The following LTBP1 variants were observed in gnomAD, a reference collection of about 807,000 sequenced individuals.
LTBP1 encodes latent-transforming growth factor beta-binding protein 1.
Under a neutral mutation model 207.6 loss-of-function variants are expected in LTBP1, and 129 were observed. That is an observed-to-expected ratio of 0.62 (90% CI 0.54 to 0.72). The LOEUF (loss-of-function observed/expected upper bound fraction) is 0.72, where lower values mean the gene tolerates loss of function less well. LTBP1 is among the 30% of genes least tolerant of loss of function. LTBP1 has a pLI of 0.00. For synonymous variants in LTBP1, 963 were observed against 833.7 expected (o/e 1.16, Z -2.67); for missense variants, 2,281 against 2,217.2 (o/e 1.03, Z -0.58).
intron 2 of LTBP1, among the ~76,000 whole-genome samples, chr2:32,953,705 A>G (rs1187748240): frequency 6.6e-6 from 1 of 152,192 alleles, no homozygotes; most frequent in Admixed American, 6.5e-5. Context: ...TTTGCTGCCC[A>G]GTGAACCCTG....
chr2:33,179,587 A>T (rs1035322662), intron 5 of LTBP1, among the ~76,000 whole-genome samples: 3 of 151,914 alleles, frequency 2.0e-5, no homozygotes, highest in African/African-American at 7.3e-5. Flanking sequence ...CTCTTCTCTC[A>T]TATGTAAAAG....
In LTBP1 at chr2:33,016,050, C is replaced by T. The variant is rs576477572; in HGVS notation, c.566-4859C>T. Among the ~76,000 whole-genome samples, 9 of 152,276 alleles carry T rather than the reference C, an allele frequency of 5.9e-5. No individual in the cohort carries two copies. In the East Asian group the frequency reaches 1.7e-3, roughly 29 times the overall value. ...AACAGGAGATTTGGTAGGACTCATACCAAACCCTGTCAGTGGACATTTGGG... is the reference window on the plus strand; with the variant it reads ...AACAGGAGATTTGGTAGGACTCATATCAAACCCTGTCAGTGGACATTTGGG... On this transcript the variant is annotated intron_variant, in intron 2 of 33. Transcript: ENST00000404816.
intron 26 of LTBP1, 106 bp from the exon 27 acceptor site, chr2:33,360,491 A>C: frequency 3.0e-6 from 2 of 674,952 alleles, no homozygotes; most frequent in Non-Finnish European, 5.0e-6. Flanking sequence ...TCTATAAAGC[A>C]AATGCTATTG....
chr2:32,957,240 A>C (rs1271305987), intron 2 of LTBP1, among the ~76,000 whole-genome samples: 1 of 152,228 alleles, frequency 6.6e-6, no homozygotes, highest in Non-Finnish European at 1.5e-5. Context: ...GTTTTCTTCA[A>C]GAACTTTTTC....
At chr2:32,996,742 C>T (rs1216734494) in intron 2 of LTBP1, among the ~76,000 whole-genome samples, 1 of 152,144 alleles carries the variant, frequency 6.6e-6, no homozygotes, top group East Asian at 1.9e-4. Flanking sequence ...ACTGAGGCTC[C>T]AGAGGTTTAT....
intron 5 of LTBP1, among the ~76,000 whole-genome samples, chr2:33,174,685 G>A (rs907092430): frequency 9.9e-5 from 15 of 152,258 alleles, no homozygotes; most frequent in African/African-American, 3.4e-4. Flanking sequence ...CCAAAAAAGA[G>A]CCCGCATCGC....
At chr2:32,991,333 A>G (rs1684383178) in intron 2 of LTBP1, among the ~76,000 whole-genome samples, 1 of 152,214 alleles carries the variant, frequency 6.6e-6, no homozygotes, top group Non-Finnish European at 1.5e-5. Context: ...TTACTTGTAA[A>G]TAAACTGTCA....
chr2:32,948,037 T>G (rs1447544416), intron 1 of LTBP1, among the ~76,000 whole-genome samples: 1 of 152,186 alleles, frequency 6.6e-6, no homozygotes, highest in African/African-American at 2.4e-5. Context: ...CCGAGTGCAT[T>G]GTTACCGAGC....
chr2:33,273,204 T>G lies in LTBP1; in HGVS notation c.2618-452T>G, dbSNP rs532276236. On this transcript the variant is annotated intron_variant, in intron 15 of 33. Transcript: ENST00000404816. ...GGAGATTGGATGTATTTGTTGAAAC[T>G]CAAATATGGCCTGCTAAAGAATGGA... Among the ~76,000 whole-genome samples, 6 of 152,242 alleles carry G rather than the reference T, an allele frequency of 3.9e-5. 1 individual carries two copies. In the South Asian group the frequency reaches 1.2e-3, roughly 32 times the overall value.
chr2:33,328,695 A>G (rs1168377336), intron 24 of LTBP1, among the ~76,000 whole-genome samples: 2 of 152,170 alleles, frequency 1.3e-5, no homozygotes, highest in African/African-American at 2.4e-5. Flanking sequence ...CATGGGGATT[A>G]TGGGGATTAC....
rs1263173668 is a variant in LTBP1 at position 33,243,753 on chromosome 2, T to C, written c.1968T>C (p.Phe656=). Residue 656 remains phenylalanine (F), a synonymous_variant, in exon 10 of 34, where the codon TTT becomes TTC. Transcript: ENST00000404816. The stretch of plus-strand genomic sequence containing the variant: ...ATCGATGTACCTGCAAAATAGGATT[T>C]GGGCCGGATCCTACCTTTTCAAGTT... ...GSYRCTCKIG[F]GPDPTFSSCV... 1 of 1,614,084 alleles carries C rather than the reference T, an allele frequency of 6.2e-7. No homozygotes were observed. The highest frequency in any genetic ancestry group is 1.1e-5 in the South Asian group (1 of 91,084).
intron 24 of LTBP1, among the ~76,000 whole-genome samples, chr2:33,336,662 C>T (rs774592683): frequency 6.6e-6 from 1 of 152,186 alleles, no homozygotes. Flanking sequence ...TTCTCTGGAG[C>T]GTCCTGGCAG....
Position 33,016,876 on chromosome 2 carries a change from A to G in LTBP1, c.566-4033A>G, listed in dbSNP as rs1428365140. ...TATCTCTACTAAAAATACAAAAATTAGCTGGGCATGCATGCCTGTAATCCC... is the reference window on the plus strand; with the variant it reads ...TATCTCTACTAAAAATACAAAAATTGGCTGGGCATGCATGCCTGTAATCCC... On this transcript the variant is annotated intron_variant, in intron 2 of 33. Coordinates refer to ENST00000404816, the MANE Select transcript of LTBP1 (RefSeq NM_206943.4). Among the ~76,000 whole-genome samples, 4 of 152,212 alleles carry G rather than the reference A, an allele frequency of 2.6e-5. No individual in the cohort carries two copies. The East Asian group carries it at 7.7e-4, about 29-fold the overall frequency.
At chr2:33,105,163 A>C (rs915890039) in intron 3 of LTBP1, among the ~76,000 whole-genome samples, 1 of 152,182 alleles carries the variant, frequency 6.6e-6, no homozygotes, top group African/African-American at 2.4e-5. Flanking sequence ...CATCATAGGC[A>C]CACTGGGAAA....
chr2:33,275,659 G>A, intron 17 of LTBP1, 142 bp from the exon 18 acceptor site: 4 of 989,684 alleles, frequency 4.0e-6, no homozygotes, highest in Non-Finnish European at 6.1e-6. Context: ...ACTCCAGCCT[G>A]GGCAACAAGA....
chr2:33,084,923 CA>C (rs2078663208), intron 3 of LTBP1, among the ~76,000 whole-genome samples: 1 of 152,122 alleles, frequency 6.6e-6, no homozygotes, highest in Non-Finnish European at 1.5e-5. Flanking sequence ...CCTCATCCCC[CA>C]AAAAGATATG....
chr2:33,228,532 C>A (rs1343966182), intron 9 of LTBP1, among the ~76,000 whole-genome samples: 1 of 151,946 alleles, frequency 6.6e-6, no homozygotes, highest in Non-Finnish European at 1.5e-5. Context: ...CTTTATTGAT[C>A]ATTTACTATG....
chr2:33,017,406 T>C (rs938473682), intron 2 of LTBP1, among the ~76,000 whole-genome samples: 9 of 152,306 alleles, frequency 5.9e-5, no homozygotes, highest in African/African-American at 1.7e-4. Flanking sequence ...CAGTCACTGA[T>C]TGCTGGGCTC....
intron 9 of LTBP1, among the ~76,000 whole-genome samples, chr2:33,237,021 G>A (rs551372592): frequency 2.0e-5 from 3 of 152,140 alleles, no homozygotes; most frequent in Non-Finnish European, 4.4e-5. Context: ...TATAATCATG[G>A]GACAGTTACA....
Sources: allele counts gnomAD v4.1 joint callset (sites outside exome capture counted in the v4.1 genomes callset), GRCh38; gene constraint gnomAD v4.1.1; transcripts MANE v1.5; gene names NCBI Gene and HGNC (gene_info 2026-07-23, HGNC 2026-07-21).